Variants in LRRC8A observed in about 807,000 individuals in gnomAD.
LRRC8A encodes the protein leucine rich repeat containing 8 VRAC subunit A.
In LRRC8A, 24 loss-of-function variants were observed where a neutral mutation model predicts 52.5. The observed-to-expected ratio is 0.46, with a 90% CI of 0.33 to 0.64. The LOEUF (loss-of-function observed/expected upper bound fraction) is 0.64. LRRC8A is among the 30% of genes least tolerant of loss of function. LRRC8A has a pLI of 0.02. For missense variants in LRRC8A, 677 were observed against 1,094.7 expected (o/e 0.62, Z 5.38); for synonymous variants, 492 against 494.2 (o/e 1.00, Z 0.06).
At chr9:128,884,421 A>G (rs1236330929) in intron 1 of LRRC8A, among the ~76,000 whole-genome samples, 1 of 152,100 alleles carries the variant, frequency 6.6e-6, no homozygotes, top group Non-Finnish European at 1.5e-5. Context: ...TCATTCATTC[A>G]GCCATTCTTT....
Position 128,908,438 on chromosome 9 carries a change from A to G in LRRC8A, c.1274A>G (p.Gln425Arg), listed in dbSNP as rs1840349269. Residue 425 changes from glutamine to arginine, a missense_variant, in exon 3 of 4, where the codon CAG becomes CGG. By Grantham distance (43) the Gln-to-Arg change is conservative. Transcript: ENST00000372600. Reference protein sequence around the residue: ...KLRQRLTKNAQDKLELHLFML... With the variant: ...KLRQRLTKNARDKLELHLFML... ...CGGCAGCGGCTCACCAAGAACGCGCAGGACAAGCTGGAGCTGCACCTGTTC... is the reference window on the plus strand; with the variant it reads ...CGGCAGCGGCTCACCAAGAACGCGCGGGACAAGCTGGAGCTGCACCTGTTC... The G allele has an allele frequency of 1.2e-6, 2 of 1,613,336 alleles. No individual in the cohort carries two copies. Among genetic ancestry groups the G allele is most frequent in the Admixed American group, 1.7e-5 (1 of 59,990 alleles).
chr9:128,885,315 C>T (rs753001074), intron 1 of LRRC8A: 1 of 152,228 alleles, frequency 6.6e-6, no homozygotes, highest in Admixed American at 6.6e-5. Flanking sequence ...CTTGCCACTT[C>T]CCCTCTCTGG....
chr9:128,903,439 A>C (rs1322498237), intron 2 of LRRC8A, among the ~76,000 whole-genome samples: 11 of 129,916 alleles, frequency 8.5e-5, no homozygotes, highest in African/African-American at 5.9e-5. Context: ...TTGAGTCGGC[A>C]CCTCGCTCTG....
intron 2 of LRRC8A, among the ~76,000 whole-genome samples, chr9:128,897,150 C>A (rs1036616351): frequency 6.6e-6 from 1 of 152,158 alleles, no homozygotes; most frequent in African/African-American, 2.4e-5. Context: ...GTGATCAATA[C>A]GTTACGTTTC....
chr9:128,888,662 G>A (rs1027736536), intron 2 of LRRC8A, among the ~76,000 whole-genome samples: 2 of 152,122 alleles, frequency 1.3e-5, no homozygotes, highest in Non-Finnish European at 2.9e-5. Flanking sequence ...GCATACAGGC[G>A]TGGCAGCCTC....
rs1840867062 is a variant in LRRC8A, at chr9:128,917,290, G to A, written c.*919G>A. On this transcript the variant is annotated 3_prime_UTR_variant, in exon 4 of 4. Coordinates refer to ENST00000372600, the MANE Select transcript of LRRC8A (RefSeq NM_019594.4). ...GTCCAGGAGTTCTATTTGTTCCTGG[G>A]GAGGGAGGTTTTTTTGTTTGTTTTT... 1 of 152,476 alleles carries A rather than the reference G, an allele frequency of 6.6e-6. No individual in the cohort carries two copies. 9.4% of individuals were successfully genotyped at this position (152,476 alleles called of 1,614,324 possible). A position where few individuals can be genotyped will look rare whatever the true frequency, so the allele number is the denominator to read the frequency against.
At chr9:128,883,113 G>C (rs187225492) in intron 1 of LRRC8A, among the ~76,000 whole-genome samples, 4 of 152,172 alleles carry the variant, frequency 2.6e-5, no homozygotes, top group Admixed American at 6.5e-5. Context: ...TCTGGTAGCC[G>C]CCTCCTGATG....
chr9:128,913,329 GT>G (rs1840643408), intron 3 of LRRC8A, among the ~76,000 whole-genome samples: 1 of 152,196 alleles, frequency 6.6e-6, no homozygotes, highest in Non-Finnish European at 1.5e-5. Flanking sequence ...TCCTGAGAGA[GT>G]TGTCCTTTTC....
intron 3 of LRRC8A, among the ~76,000 whole-genome samples, chr9:128,915,738 C>T (rs1840783506): frequency 6.6e-6 from 1 of 152,192 alleles, no homozygotes; most frequent in Non-Finnish European, 1.5e-5. Context: ...GAGCAGCTGG[C>T]CAATGCGATA....
intron 3 of LRRC8A, among the ~76,000 whole-genome samples, chr9:128,914,526 G>A (rs1840719692): frequency 6.6e-6 from 1 of 152,246 alleles, no homozygotes; most frequent in East Asian, 1.9e-4. Context: ...CTCTGAGTGG[G>A]AGGAAATAAG....
intron 2 of LRRC8A, among the ~76,000 whole-genome samples, chr9:128,900,434 C>T (rs897892897): frequency 2.0e-5 from 3 of 152,226 alleles, no homozygotes; most frequent in Non-Finnish European, 4.4e-5. Flanking sequence ...GGGGGCTGGA[C>T]GCAGTGGCTC....
In LRRC8A at chr9:128,908,264, A is replaced by G; in HGVS notation, c.1100A>G (p.Asp367Gly). 1 of 1,614,158 alleles carries G rather than the reference A, an allele frequency of 6.2e-7. No individual in the cohort carries two copies. The highest frequency in any genetic ancestry group is 8.5e-7 in the Non-Finnish European group (1 of 1,180,032). Residue 367 changes from aspartate to glycine, a missense_variant, in exon 3 of 4, where the codon GAC becomes GGC. Coordinates refer to ENST00000372600, the MANE Select transcript of LRRC8A (RefSeq NM_019594.4). Reference protein sequence around the residue: ...REESSYSDIPDVKNDFAFMLH... With the variant: ...REESSYSDIPGVKNDFAFMLH... ...GAGAGCAGCTACAGCGACATCCCCG[A>G]CGTCAAGAACGACTTCGCCTTCATG...
intron 3 of LRRC8A, among the ~76,000 whole-genome samples, chr9:128,913,016 T>C (rs1026398452): frequency 6.6e-5 from 10 of 152,180 alleles, no homozygotes; most frequent in Non-Finnish European, 1.3e-4. Context: ...AGGGACCATC[T>C]TGAATCCACC....
intron 3 of LRRC8A, among the ~76,000 whole-genome samples, chr9:128,915,538 G>A (rs542410997): frequency 5.1e-4 from 78 of 152,282 alleles, no homozygotes; most frequent in Admixed American, 9.2e-4. Flanking sequence ...TGTTAGCCAG[G>A]ATAGTCTCGA....
intron 1 of LRRC8A, among the ~76,000 whole-genome samples, chr9:128,884,759 A>G (rs984477680): frequency 2.0e-5 from 3 of 152,086 alleles, no homozygotes; most frequent in Admixed American, 2.0e-4. Context: ...CATCCTTGAC[A>G]AGGAGGGTAG....
chr9:128,901,756 C>T (rs1188985714), intron 2 of LRRC8A, among the ~76,000 whole-genome samples: 1 of 152,172 alleles, frequency 6.6e-6, no homozygotes, highest in African/African-American at 2.4e-5. Context: ...CTGGCTTCCC[C>T]TCTTCATCCT....
intron 2 of LRRC8A, among the ~76,000 whole-genome samples, chr9:128,894,262 T>A (rs1202776558): frequency 2.0e-5 from 3 of 151,632 alleles, no homozygotes; most frequent in Non-Finnish European, 4.4e-5. Context: ...GGCAGGCAGA[T>A]CACAAGGTCA....
intron 3 of LRRC8A, among the ~76,000 whole-genome samples, chr9:128,910,465 G>C (rs1840464691): frequency 6.6e-6 from 1 of 152,174 alleles, no homozygotes; most frequent in Non-Finnish European, 1.5e-5. Flanking sequence ...AGCCAAGGTG[G>C]GGCGGTCACT....
intron 2 of LRRC8A, among the ~76,000 whole-genome samples, chr9:128,889,496 T>C (rs1265579867): frequency 6.6e-6 from 1 of 151,654 alleles, no homozygotes; most frequent in Non-Finnish European, 1.5e-5. Context: ...TTTGTTTAAT[T>C]AATTAATTAA....
Sources: gnomAD v4.1 joint callset for allele counts (sites outside exome capture counted in the v4.1 genomes callset) on GRCh38, gnomAD v4.1.1 for gene constraint, MANE v1.5 for transcripts, NCBI Gene and HGNC (gene_info 2026-07-23, HGNC 2026-07-21) for gene names.